The following MROH2B variants were observed in gnomAD, a reference collection of about 807,000 sequenced individuals.
MROH2B encodes maestro heat like repeat family member 2B.
In MROH2B, 177 loss-of-function variants were observed where a neutral mutation model predicts 208.6. The ratio of observed to expected loss-of-function variants is 0.85; its 90% confidence interval spans 0.75 to 0.96. The LOEUF (loss-of-function observed/expected upper bound fraction) is 0.96, where lower values mean the gene tolerates loss of function less well. Ranked by LOEUF, MROH2B falls within the 40% of genes least tolerant of loss-of-function variation. The pLI is 0.00. For synonymous variants in MROH2B, 728 were observed against 659.0 expected, an observed-to-expected ratio of 1.10 and a Z score of -1.60; for missense variants, 2,002 against 1,878.7, an observed-to-expected ratio of 1.07 and a Z score of -1.21.
intron 13 of MROH2B, among the ~76,000 whole-genome samples, chr5:41,050,081 G>A (rs1394089263): frequency 2.6e-5 from 4 of 152,046 alleles, no homozygotes; most frequent in South Asian, 2.1e-4. Context: ...GCCCTTTCAT[G>A]TCTCATTTCT....
Position 41,000,289 on chromosome 5 carries a change from T to C in MROH2B, c.4413A>G (p.Val1471=), listed in dbSNP as rs772991013. 3.7e-6 allele frequency: 6 copies of C among 1,613,752 alleles called. No individual in the cohort carries two copies. Among genetic ancestry groups the C allele is most frequent in the Non-Finnish European group, 4.2e-6 (5 of 1,179,832 alleles). The change falls in exon 39 of 42, where the codon GTA becomes GTG. Residue 1471 remains valine (V), a synonymous_variant. Coordinates refer to ENST00000399564, the MANE Select transcript of MROH2B (RefSeq NM_173489.5). ...PFLGLQELYG[V]LDRLLDQDLP... ...GATCCTGATCAAGGAGACGGTCTAA[T>C]ACCCCATAGAGCTCCTGGAGGCCCA...
Position 41,045,727 on chromosome 5 carries a change from C to T in MROH2B, c.1836+19G>A. On this transcript the variant is annotated intron_variant, in intron 18 of 41. Coordinates refer to ENST00000399564, the MANE Select transcript of MROH2B (RefSeq NM_173489.5). The stretch of plus-strand genomic sequence containing the variant: ...ATCATAGGTAAAAGCTAAGGTTTCC[C>T]CTCAGCTGAAAAACCAACCTTCTCA... 1.3e-6 allele frequency: 2 copies of T among 1,596,508 alleles called. No individual in the cohort carries two copies. Among genetic ancestry groups the T allele is most frequent in the Non-Finnish European group, 1.7e-6 (2 of 1,164,392 alleles).
At chr5:41,009,543 G>T in intron 31 of MROH2B, 137 bp from the exon 32 acceptor site, 1 of 1,158,370 alleles carries the variant, frequency 8.6e-7, no homozygotes, top group South Asian at 1.6e-5. Flanking sequence ...CATGCCTGGG[G>T]ATAAGAAAGA....
intron 20 of MROH2B, 25 bp from the exon 21 acceptor site, chr5:41,038,913 G>T: frequency 1.3e-6 from 2 of 1,581,784 alleles, no homozygotes; most frequent in Non-Finnish European, 1.7e-6. Flanking sequence ...AGGGAGACAT[G>T]AAAAATGTGA....
intron 27 of MROH2B, 124 bp downstream of exon 27, chr5:41,018,217 G>A: frequency 3.7e-6 from 4 of 1,080,202 alleles, no homozygotes; most frequent in Non-Finnish European, 5.3e-6. Context: ...CTCCAAAAGT[G>A]TTCCGAAAAG....
chr5:41,037,537 C>T (rs916393203), intron 21 of MROH2B, among the ~76,000 whole-genome samples: 1 of 152,158 alleles, frequency 6.6e-6, no homozygotes, highest in African/African-American at 2.4e-5. Context: ...TATACCCTTC[C>T]ACTAACATGT....
intron 21 of MROH2B, among the ~76,000 whole-genome samples, chr5:41,035,504 A>G (rs1742726800): frequency 6.6e-6 from 1 of 152,190 alleles, no homozygotes; most frequent in African/African-American, 2.4e-5. Flanking sequence ...CTGCACAGCA[A>G]AAGAAAATAC....
At chr5:41,042,816 G>T (rs1337410483) in intron 18 of MROH2B, among the ~76,000 whole-genome samples, 1 of 152,064 alleles carries the variant, frequency 6.6e-6, no homozygotes, top group Non-Finnish European at 1.5e-5. Flanking sequence ...TGTTGGCGAG[G>T]CTGATCTCAG....
chr5:41,005,454 C>A, intron 35 of MROH2B, 77 bp downstream of exon 35: 1 of 483,494 alleles, frequency 2.1e-6, no homozygotes, highest in Admixed American at 3.2e-5. Context: ...GGTTCCAGTG[C>A]ACACTGGGCT....
rs1180701807 is a variant in MROH2B at position 41,048,412 on chromosome 5, C to T, written c.1596G>A (p.Gly532=). 1.9e-6 allele frequency: 3 copies of T among 1,613,612 alleles called. No homozygotes were observed. The highest frequency in any genetic ancestry group is 1.7e-6 in the Non-Finnish European group (2 of 1,179,698). ...TTATCTCAGGCAGTATCTTCAAAAGCCCTATTGCACCAGCCCCACGTAACT... is the reference window on the plus strand; with the variant it reads ...TTATCTCAGGCAGTATCTTCAAAAGTCCTATTGCACCAGCCCCACGTAACT... ...LGELRGAGAI[G]LLKILPEIIH... Residue 532 remains glycine, a synonymous_variant, in exon 16 of 42, where the codon GGG becomes GGA. Coordinates refer to ENST00000399564, the MANE Select transcript of MROH2B (RefSeq NM_173489.5).
rs1743103959 is a variant in MROH2B at position 41,045,871 on chromosome 5, A to C, written c.1729-18T>G. Reference sequence around the variant, plus strand: ...TTGAGCAACTGTTGTAGGAAGTGGAAGTTAGATGTGAATATGACCGTTTCA... The same window carrying C: ...TTGAGCAACTGTTGTAGGAAGTGGACGTTAGATGTGAATATGACCGTTTCA... On this transcript the variant is annotated intron_variant, in intron 17 of 41. Coordinates refer to ENST00000399564, the MANE Select transcript of MROH2B (RefSeq NM_173489.5). 1 of 1,587,630 alleles carries C rather than the reference A, an allele frequency of 6.3e-7. No homozygotes were observed. The highest frequency in any genetic ancestry group is 2.2e-5 in the East Asian group (1 of 44,674).
chr5:41,049,361 T>G lies in MROH2B; in HGVS notation c.1420A>C (p.Ile474Leu), dbSNP rs1189848128. The G allele has an allele frequency of 6.2e-7, 1 of 1,613,760 alleles. No homozygotes were observed. Among genetic ancestry groups the G allele is most frequent in the South Asian group, 1.1e-5 (1 of 91,066 alleles). Residue 474 changes from isoleucine to leucine, a missense_variant, in exon 14 of 42, where the codon ATC becomes CTC. Physicochemically the swap from Ile to Leu is conservative, Grantham distance 5. Coordinates refer to ENST00000399564, the MANE Select transcript of MROH2B (RefSeq NM_173489.5). ...TCCTCTGCCATAATCAGAATTCTGA[T>G]GATACTAAACAGGGGCTCCAGAGCT... Reference protein sequence around the residue: ...TEALEPLFSIIRILIMAEEKK... With the variant: ...TEALEPLFSILRILIMAEEKK...
intron 20 of MROH2B, among the ~76,000 whole-genome samples, chr5:41,039,154 G>C (rs1381483793): frequency 6.6e-6 from 1 of 152,168 alleles, no homozygotes; most frequent in Non-Finnish European, 1.5e-5. Flanking sequence ...TTCAGGGAAA[G>C]CAGAGTATGC....
At chr5:41,013,938 A>T (rs539764989) in intron 29 of MROH2B, among the ~76,000 whole-genome samples, 47 of 152,286 alleles carry the variant, frequency 3.1e-4, no homozygotes, top group African/African-American at 1.0e-3. Context: ...GTTTCCTACA[A>T]ACTGACTTCC....
intron 24 of MROH2B, among the ~76,000 whole-genome samples, chr5:41,030,581 T>TA (rs1234353791): frequency 1.3e-5 from 2 of 151,930 alleles, no homozygotes; most frequent in African/African-American, 4.8e-5. Flanking sequence ...CAATTCTCAT[T>TA]AAAATACCAT....
chr5:41,035,344 C>T (rs1742720570), intron 21 of MROH2B, among the ~76,000 whole-genome samples: 1 of 151,968 alleles, frequency 6.6e-6, no homozygotes, highest in Non-Finnish European at 1.5e-5. Flanking sequence ...AAAAGGACTC[C>T]CTACTCAATA....
intron 21 of MROH2B, among the ~76,000 whole-genome samples, chr5:41,034,622 T>G (rs1348730549): frequency 1.3e-5 from 2 of 151,584 alleles, no homozygotes; most frequent in East Asian, 2.0e-4. Context: ...GCCATTTTTT[T>G]GGGTAGCATT....
In MROH2B at chr5:41,070,674, T is replaced by C. The variant is rs1157568122; in HGVS notation, c.28+151A>G. 6.1e-6 allele frequency: 4 copies of C among 659,168 alleles called. No individual in the cohort carries two copies. In the Admixed American group the frequency reaches 1.2e-4, roughly 19 times the overall value. The allele number at this position is 659,168 out of a possible 1,614,324, so 40.8% of individuals were successfully genotyped here. ...GTCCTTCACAATCAGCATGATTTTA[T>C]TATGTATTTAGCATACCATTTCATA... On this transcript the variant is annotated intron_variant, in intron 1 of 41. Transcript: ENST00000399564.
At position 41,045,745 on chromosome 5, in the gene MROH2B, C is replaced by A. The variant is rs1375369151; in HGVS notation, c.1836+1G>T. On this transcript the variant is annotated splice_donor_variant, in intron 18 of 41. Transcript: ENST00000399564. LOFTEE classifies it high-confidence loss of function. ...GGTTTCCCCTCAGCTGAAAAACCAA[C>A]CTTCTCAGTGGAGTTATTGCTGTAA... 1.2e-6 allele frequency: 2 copies of A among 1,612,752 alleles called. No individual in the cohort carries two copies. Among genetic ancestry groups the A allele is most frequent in the East Asian group, 2.2e-5 (1 of 44,822 alleles).
Sources: allele counts gnomAD v4.1 joint callset (sites outside exome capture counted in the v4.1 genomes callset), GRCh38; gene constraint gnomAD v4.1.1; transcripts MANE v1.5; gene names NCBI Gene and HGNC (gene_info 2026-07-23, HGNC 2026-07-21).